The following TNFRSF21 variants were observed in gnomAD, a reference collection of about 807,000 sequenced individuals.
TNFRSF21 encodes the protein TNF receptor superfamily member 21, also known as tumor necrosis factor receptor superfamily member 21.
A neutral mutation model predicts 45.6 loss-of-function variants in TNFRSF21; 19 were observed. The ratio of observed to expected loss-of-function variants is 0.42; its 90% CI spans 0.29 to 0.61. TNFRSF21 has a LOEUF of 0.61. TNFRSF21 is among the 20% of genes least tolerant of loss of function. The pLI is 0.23. For synonymous variants in TNFRSF21, 314 were observed against 335.5 expected (o/e 0.94, Z 0.70); for missense variants, 737 against 851.5 (o/e 0.87, Z 1.67).
chr6:47,242,290 C>T (rs1764755779), intron 4 of TNFRSF21, among the ~76,000 whole-genome samples: 1 of 152,178 alleles, frequency 6.6e-6, no homozygotes, highest in Non-Finnish European at 1.5e-5. Context: ...TTTGTTTCAA[C>T]TGCAACCTTA....
intron 1 of TNFRSF21, among the ~76,000 whole-genome samples, chr6:47,308,720 C>G (rs1467609175): frequency 6.6e-6 from 1 of 152,216 alleles, no homozygotes; most frequent in Non-Finnish European, 1.5e-5. Context: ...ATTCCAGTGC[C>G]GGCGCGCTGG....
At chr6:47,245,572 T>C (rs1012840725) in intron 4 of TNFRSF21, among the ~76,000 whole-genome samples, 2 of 152,088 alleles carry the variant, frequency 1.3e-5, no homozygotes, top group African/African-American at 2.4e-5. Context: ...TCAACTACTA[T>C]ATTTATTAAA....
intron 4 of TNFRSF21, 125 bp downstream of exon 4, chr6:47,253,115 TGTGTGCAGGCGTATGC>T: frequency 1.0e-6 from 1 of 995,020 alleles, no homozygotes; most frequent in Non-Finnish European, 1.5e-6. Flanking sequence ...TGTGTGTGTG[TGTGTGCAGGCGTATGC>T]GTGTGTGTGT....
chr6:47,265,825 C>T (rs985092037), intron 3 of TNFRSF21, among the ~76,000 whole-genome samples: 7 of 152,064 alleles, frequency 4.6e-5, no homozygotes, highest in African/African-American at 1.4e-4. Context: ...TTGCCTATGC[C>T]GGTAGTAGCA....
chr6:47,237,340 T>C (rs868767194), intron 4 of TNFRSF21, among the ~76,000 whole-genome samples: 13 of 152,330 alleles, frequency 8.5e-5, no homozygotes, highest in Non-Finnish European at 1.2e-4. Flanking sequence ...CCATAATATA[T>C]ACAATATCCA....
chr6:47,248,480 AG>A (rs993869421), intron 4 of TNFRSF21, among the ~76,000 whole-genome samples: 2 of 152,150 alleles, frequency 1.3e-5, no homozygotes, highest in African/African-American at 4.8e-5. Flanking sequence ...CTAAAATAAA[AG>A]GGGGGAGTGA....
chr6:47,233,271 T>C (rs1486282596), intron 5 of TNFRSF21, among the ~76,000 whole-genome samples: 1 of 152,256 alleles, frequency 6.6e-6, no homozygotes. Flanking sequence ...TTATCATTAA[T>C]GTGACATTTG....
intron 1 of TNFRSF21, 35 bp downstream of exon 1, chr6:47,309,381 C>T (rs895328339): frequency 9.9e-6 from 15 of 1,514,788 alleles, no homozygotes; most frequent in Admixed American, 6.1e-5. Context: ...TCTGCTCCGG[C>T]GCCGCCGCCA....
Position 47,251,375 on chromosome 6 carries a change from T to C in TNFRSF21, c.1509+1881A>G, listed in dbSNP as rs907308627. Among the ~76,000 whole-genome samples the C allele has an allele frequency of 8.5e-5, 13 of 152,230 alleles. 1 individual carries two copies. The South Asian group carries it at 2.7e-3, about 32-fold the overall frequency. On this transcript the variant is annotated intron_variant, in intron 4 of 5. Transcript: ENST00000296861. ...CAAAAAATAAACAACAAAAAATAGC[T>C]ACTATTAGAATCTTTTGGTATTATA...
intron 3 of TNFRSF21, among the ~76,000 whole-genome samples, chr6:47,260,444 AATTTCCAGTGC>A (rs1224577275): frequency 6.6e-6 from 1 of 152,210 alleles, no homozygotes; most frequent in Non-Finnish European, 1.5e-5. Flanking sequence ...AAGAAATGGC[AATTTCCAGTGC>A]ATCATAAAAC....
chr6:47,270,933 T>C (rs921393531), intron 3 of TNFRSF21, among the ~76,000 whole-genome samples: 1 of 152,066 alleles, frequency 6.6e-6, no homozygotes, highest in African/African-American at 2.4e-5. Context: ...GAAGATCAAA[T>C]TAATGAAATA....
Position 47,231,811 on chromosome 6 carries a change from T to G in TNFRSF21, c.*954A>C, listed in dbSNP as rs1391484759. The G allele has an allele frequency of 6.6e-6, 1 of 152,648 alleles. No homozygotes were observed. The highest frequency in any genetic ancestry group is 1.5e-5 in the Non-Finnish European group (1 of 68,044). 9.5% of individuals were successfully genotyped at this position (152,648 alleles called of 1,614,324 possible). A position where few individuals can be genotyped will look rare whatever the true frequency, so the allele number is the denominator to read the frequency against. ...GGCCTTGAGAGCAGATTGGACCTAT[T>G]GATTATGTGTATATAAAAAACAAGA... On this transcript the variant is annotated 3_prime_UTR_variant, in exon 6 of 6. Transcript: ENST00000296861.
intron 4 of TNFRSF21, among the ~76,000 whole-genome samples, chr6:47,251,160 G>A (rs1764896754): frequency 6.6e-6 from 1 of 152,130 alleles, no homozygotes; most frequent in African/African-American, 2.4e-5. Flanking sequence ...AGAACTGGCA[G>A]CCAAAAATCC....
rs1764933425 is a variant in TNFRSF21, at chr6:47,253,414, C to T, written c.1351G>A (p.Gly451Arg). The change falls in exon 4 of 6, where the codon GGG becomes AGG. Residue 451 changes from glycine to arginine, a missense_variant. Coordinates refer to ENST00000296861, the MANE Select transcript of TNFRSF21 (RefSeq NM_014452.5). Reference sequence around the variant, plus strand: ...GCCCGCTCGTGGTCGGCTGTGTACCCATTGGAGAAAGCAGCAACCTCCCTC... The same window carrying T: ...GCCCGCTCGTGGTCGGCTGTGTACCTATTGGAGAAAGCAGCAACCTCCCTC... The part of the protein sequence containing the change: ...SEREVAAFSN[G>R]YTADHERAYA... The T allele has an allele frequency of 1.2e-6, 2 of 1,614,062 alleles. No individual in the cohort carries two copies. The highest frequency in any genetic ancestry group is 1.7e-5 in the Admixed American group (1 of 60,004).
At chr6:47,246,787 C>A (rs1273619289) in intron 4 of TNFRSF21, among the ~76,000 whole-genome samples, 2 of 151,800 alleles carry the variant, frequency 1.3e-5, no homozygotes, top group Non-Finnish European at 2.9e-5. Flanking sequence ...GGAAAGAAGA[C>A]CAAAATATAG....
intron 4 of TNFRSF21, among the ~76,000 whole-genome samples, chr6:47,248,826 G>A (rs2295270): frequency 0.091 from 13,789 of 152,240 alleles, 1,393 homozygotes; most frequent in East Asian, 0.48. Context: ...TAGCTAGTTA[G>A]GAACATTCTT....
chr6:47,237,188 A>C (rs1365743552), intron 4 of TNFRSF21, among the ~76,000 whole-genome samples: 1 of 152,182 alleles, frequency 6.6e-6, no homozygotes, highest in African/African-American at 2.4e-5. Context: ...TCATCTTTCC[A>C]GAAAATCTAC....
chr6:47,300,876 T>C (rs535608676), intron 1 of TNFRSF21, among the ~76,000 whole-genome samples: 28 of 152,228 alleles, frequency 1.8e-4, no homozygotes, highest in Non-Finnish European at 3.4e-4. Flanking sequence ...TGACATTTAA[T>C]AGATGCCCCA....
intron 1 of TNFRSF21, among the ~76,000 whole-genome samples, chr6:47,300,901 C>T (rs555622274): frequency 1.8e-4 from 27 of 152,190 alleles, no homozygotes; most frequent in South Asian, 1.0e-3. Flanking sequence ...TTTTATTAAA[C>T]GGATAAAATA....
Sources: allele counts gnomAD v4.1 joint callset (sites outside exome capture counted in the v4.1 genomes callset), GRCh38; gene constraint gnomAD v4.1.1; transcripts MANE v1.5; gene names NCBI Gene and HGNC (gene_info 2026-07-23, HGNC 2026-07-21).